Variants in BAHCC1 observed in about 807,000 individuals in gnomAD.
BAHCC1 encodes BAH domain and coiled-coil containing 1.
Under a neutral mutation model 88.2 loss-of-function variants are expected in BAHCC1, and 43 were observed. The observed-to-expected ratio is 0.49, with a 90% CI of 0.38 to 0.63. BAHCC1 has a LOEUF of 0.63. BAHCC1 is among the 20% of genes least tolerant of loss of function. The pLI is 0.00. For missense variants in BAHCC1, 3,023 were observed against 1,654.8 expected (o/e 1.83, Z -14.34); for synonymous variants, 1,510 against 745.5 (o/e 2.03, Z -16.71).
At chr17:81,414,227 G>A in intron 2 of BAHCC1, among the ~76,000 whole-genome samples, 1 of 152,380 alleles carries the variant, frequency 6.6e-6, no homozygotes, top group South Asian at 2.1e-4. Flanking sequence ...TGGGGCAGGG[G>A]CAACGGTGTG....
chr17:81,406,816 C>T (rs2063886212), intron 2 of BAHCC1: 1 of 450,942 alleles, frequency 2.2e-6, no homozygotes, highest in South Asian at 1.6e-5. Flanking sequence ...GAGGTCGGCG[C>T]GGGGTTTGCA....
Position 81,435,536 on chromosome 17 carries a change from C to G in BAHCC1, c.359-2834C>G, listed in dbSNP as rs2064323573. 1 of 469,582 alleles carries G rather than the reference C, an allele frequency of 2.1e-6. No homozygotes were observed. The highest frequency in any genetic ancestry group is 4.4e-6 in the Non-Finnish European group (1 of 226,372). 29.1% of individuals were successfully genotyped at this position (469,582 alleles called of 1,614,324 possible). A position where few individuals can be genotyped will look rare whatever the true frequency, so the allele number is the denominator to read the frequency against. ...GTCTGTTGGGGTGATCATAAAAGCTCCCGTCTCAAAGGGGTCTGGGAAGGG... is the reference window on the plus strand; with the variant it reads ...GTCTGTTGGGGTGATCATAAAAGCTGCCGTCTCAAAGGGGTCTGGGAAGGG... On this transcript the variant is annotated intron_variant, in intron 3 of 27. Coordinates refer to ENST00000675386, the MANE Select transcript of BAHCC1 (RefSeq NM_001377448.1). This position sits in a 1 kb window ranked among gnomAD's most constrained non-coding sequence, Gnocchi z 4.4.
chr17:81,449,486 G>T (rs2064593814), intron 11 of BAHCC1, among the ~76,000 whole-genome samples: 1 of 152,218 alleles, frequency 6.6e-6, no homozygotes, highest in Admixed American at 6.5e-5. Flanking sequence ...GGCAAGCATA[G>T]AGCCCCCAGG....
chr17:81,427,127 TC>T (rs2064209535), intron 3 of BAHCC1, 148 bp downstream of exon 3: 2 of 397,762 alleles, frequency 5.0e-6, no homozygotes, highest in Non-Finnish European at 8.9e-6. Context: ...TGAGGCTGCC[TC>T]CCTGCCGAGG....
Position 81,461,557 on chromosome 17 carries a change from C to T in BAHCC1, c.6894C>T (p.Asp2298=), listed in dbSNP as rs757146932. The change falls in exon 26 of 28, where the codon GAC becomes GAT. Residue 2298 remains aspartate (D), a synonymous_variant. Transcript: ENST00000675386. ...CHSSFSDEDE[D]GPGLAAGVPS... The stretch of plus-strand genomic sequence containing the variant: ...GCTCCTTCTCGGACGAGGACGAGGA[C>T]GGGCCGGGGCTGGCGGCCGGCGTGC... The T allele has an allele frequency of 4.3e-4, 313 of 722,868 alleles. No homozygotes were observed. The highest frequency in any genetic ancestry group is 7.1e-4 in the Non-Finnish European group (277 of 388,188). 44.8% of individuals were successfully genotyped at this position (722,868 alleles called of 1,614,324 possible).
intron 2 of BAHCC1, among the ~76,000 whole-genome samples, chr17:81,407,708 C>T (rs1458152317): frequency 1.4e-4 from 22 of 152,228 alleles, no homozygotes; most frequent in Non-Finnish European, 4.4e-5. Flanking sequence ...GAGGCCCACT[C>T]TGCAGACCCC....
chr17:81,458,550 C>T, intron 18 of BAHCC1, 71 bp from the exon 19 acceptor site: 2 of 591,250 alleles, frequency 3.4e-6, no homozygotes. Context: ...GCACGCTGGC[C>T]CCTGAGCTCT....
chr17:81,436,719 C>T (rs1246097314), intron 3 of BAHCC1, among the ~76,000 whole-genome samples: 1 of 152,212 alleles, frequency 6.6e-6, no homozygotes, highest in Non-Finnish European at 1.5e-5. Flanking sequence ...CGGCCAGGCT[C>T]GAGCCTCAGC....
intron 2 of BAHCC1, among the ~76,000 whole-genome samples, chr17:81,415,911 C>T (rs1180768705): frequency 1.3e-5 from 2 of 152,122 alleles, no homozygotes; most frequent in Non-Finnish European, 2.9e-5. Flanking sequence ...GAGCGCCCCA[C>T]CCTGCCAGGG....
intron 3 of BAHCC1, among the ~76,000 whole-genome samples, chr17:81,427,509 G>A (rs1353400904): frequency 5.9e-5 from 9 of 152,164 alleles, no homozygotes; most frequent in African/African-American, 1.2e-4. Flanking sequence ...GGTGCCTCGC[G>A]AATACTGGCT....
rs1282911880 is a variant in BAHCC1, at chr17:81,456,571, C to T, written c.4844C>T (p.Ala1615Val). 1.7e-5 allele frequency: 12 copies of T among 705,898 alleles called. No homozygotes were observed. The highest frequency in any genetic ancestry group is 8.9e-5 in the African/African-American group (5 of 56,462). 43.7% of individuals were successfully genotyped at this position (705,898 alleles called of 1,614,324 possible). The change falls in exon 16 of 28, where the codon GCG (alanine) becomes GTG (valine). Residue 1615 changes from alanine to valine, a missense_variant. Transcript: ENST00000675386. ...PRCPAQPSVAASQEAGSGYDS... is the reference protein window; with the variant it reads ...PRCPAQPSVAVSQEAGSGYDS... ...TGCCCAGCCCAGCCCTCCGTGGCTG[C>T]GTCCCAGGAGGCAGGCAAGTTGCTG...
intron 6 of BAHCC1, 172 bp from the exon 7 acceptor site, chr17:81,444,209 C>T: frequency 1.6e-6 from 1 of 609,896 alleles, no homozygotes; most frequent in Non-Finnish European, 2.9e-6. Context: ...CCCTGAGCCT[C>T]CAGGTCCCGT....
chr17:81,425,886 G>T (rs1266928925), intron 2 of BAHCC1, among the ~76,000 whole-genome samples: 3 of 149,080 alleles, frequency 2.0e-5, no homozygotes, highest in Admixed American at 6.6e-5. Context: ...GGTTGGTGGT[G>T]ATGTGGTTGG....
rs2030667976 is a variant in BAHCC1, at chr17:81,465,797, C to T, written c.*1980C>T. On this transcript the variant is annotated 3_prime_UTR_variant, in exon 28 of 28. Coordinates refer to ENST00000675386, the MANE Select transcript of BAHCC1 (RefSeq NM_001377448.1). ...CTTATGTTGTGGTCGGGGGTCCCCG[C>T]CTCCAGCCCCCCGCTCCCACCCCCG... 1 of 152,366 alleles carries T rather than the reference C, an allele frequency of 6.6e-6. No individual in the cohort carries two copies. Among genetic ancestry groups the T allele is most frequent in the Non-Finnish European group, 1.5e-5 (1 of 68,046 alleles). The allele number at this position is 152,366 out of a possible 1,614,324, so 9.4% of individuals were successfully genotyped here.
rs1281862420 is a variant in BAHCC1 at position 81,399,487 on chromosome 17, G to A, written c.-206-47G>A. 1 of 234,286 alleles carries A rather than the reference G, an allele frequency of 4.3e-6. No individual in the cohort carries two copies. Among genetic ancestry groups the A allele is most frequent in the Non-Finnish European group, 9.2e-6 (1 of 108,444 alleles). The allele number at this position is 234,286 out of a possible 1,614,324, so 14.5% of individuals were successfully genotyped here. ...GGGCGGGGCGGGGACCCCCGGGCGA[G>A]CCGAGCCCCCCAGTCACCCGTGTCT... On this transcript the variant is annotated intron_variant, in intron 1 of 27. Coordinates refer to ENST00000675386, the MANE Select transcript of BAHCC1 (RefSeq NM_001377448.1). The surrounding 1 kb of genome is among the most constrained non-coding windows in gnomAD (Gnocchi z 4.5).
At chr17:81,445,237 G>A (rs1237410700) in intron 9 of BAHCC1, 59 bp downstream of exon 9, 15 of 723,798 alleles carry the variant, frequency 2.1e-5, no homozygotes, top group Admixed American at 6.0e-5. Context: ...CTGCCTGGCC[G>A]GACCTGGCTC....
At chr17:81,449,184 C>T (rs577857414) in intron 11 of BAHCC1, among the ~76,000 whole-genome samples, 21 of 152,296 alleles carry the variant, frequency 1.4e-4, no homozygotes, top group African/African-American at 4.6e-4. Context: ...TGTCGTCACA[C>T]TCCGGCCAGG....
In BAHCC1 at chr17:81,466,023, C is replaced by T. The variant is rs868980003; in HGVS notation, c.*2206C>T. The T allele has an allele frequency of 2.6e-5, 4 of 152,506 alleles. No individual in the cohort carries two copies. The highest frequency in any genetic ancestry group is 5.9e-5 in the Non-Finnish European group (4 of 68,062). 9.4% of individuals were successfully genotyped at this position (152,506 alleles called of 1,614,324 possible). On this transcript the variant is annotated 3_prime_UTR_variant, in exon 28 of 28. Coordinates refer to ENST00000675386, the MANE Select transcript of BAHCC1 (RefSeq NM_001377448.1). The stretch of plus-strand genomic sequence containing the variant: ...ACGGAGGTTGGATCCTCTGCTCCGC[C>T]GCCTCGTCCTCGTCCCGCTTCTGCT...
In BAHCC1 at chr17:81,411,258, C is replaced by T. The variant is rs2063946646; in HGVS notation, c.178+11341C>T. 3 of 488,212 alleles carry T rather than the reference C, an allele frequency of 6.1e-6. No homozygotes were observed. The highest frequency in any genetic ancestry group is 2.0e-5 in the African/African-American group (1 of 51,268). 30.2% of individuals were successfully genotyped at this position (488,212 alleles called of 1,614,324 possible). On this transcript the variant is annotated intron_variant, in intron 2 of 27. Transcript: ENST00000675386. The surrounding 1 kb of genome is among the most constrained non-coding windows in gnomAD (Gnocchi z 6.2). ...CTCGCCACCCCCAGTTGAGCAGCTC[C>T]CCTTCTCGGCAGCTCCCAAACCCTG... is the stretch of plus-strand genomic sequence containing the variant.
Sources: allele counts gnomAD v4.1 joint callset (sites outside exome capture counted in the v4.1 genomes callset), GRCh38; gene constraint gnomAD v4.1.1; non-coding constraint Gnocchi (gnomAD v3.1); transcripts MANE v1.5; gene names NCBI Gene and HGNC (gene_info 2026-07-23, HGNC 2026-07-21).